Variants in NELL1 observed in about 807,000 individuals in gnomAD.
NELL1 encodes protein kinase C-binding protein NELL1.
In NELL1, 76 loss-of-function variants were observed where a neutral mutation model predicts 107.4. The ratio of observed to expected loss-of-function variants is 0.71; its 90% CI spans 0.59 to 0.86. The LOEUF is 0.86. Among genes scored for constraint, NELL1 ranks in the 40% least tolerant of loss-of-function variants. The probability of loss-of-function intolerance (pLI) is 0.00; values close to 1 mark genes in which losing one functional copy is unlikely to be tolerated. For synonymous variants in NELL1, 353 were observed against 341.2 expected (o/e 1.03, Z -0.38); for missense variants, 1,024 against 1,005.5 (o/e 1.02, Z -0.25).
At position 20,672,981 on chromosome 11, in the gene NELL1, C is replaced by T. The variant is rs992835792; in HGVS notation, c.55+3203C>T. 1.0e-4 allele frequency among the ~76,000 whole-genome samples: 11 copies of T among 106,292 alleles called. 1 individual carries two copies. The highest frequency in any genetic ancestry group is 6.2e-4 in the South Asian group (2 of 3,246). 69.7% of individuals were successfully genotyped at this position (106,292 alleles called of 152,430 possible). A position where few individuals can be genotyped will look rare whatever the true frequency, so the allele number is the denominator to read the frequency against. ...ATTCTCCTGCCTCAGCCCCCCCCCC[C>T]CCCCCCGAGTAGCTGGGATTACAGG... On this transcript the variant is annotated intron_variant, in intron 1 of 19. Coordinates refer to ENST00000357134, the MANE Select transcript of NELL1 (RefSeq NM_006157.5).
chr11:20,837,970 G>A (rs975062456), intron 3 of NELL1, among the ~76,000 whole-genome samples: 7 of 152,074 alleles, frequency 4.6e-5, no homozygotes, highest in Non-Finnish European at 8.8e-5. Flanking sequence ...TCCACAGGGT[G>A]TCTTCCTTCC....
chr11:20,716,138 T>C (rs931397953), intron 2 of NELL1, among the ~76,000 whole-genome samples: 2 of 152,180 alleles, frequency 1.3e-5, no homozygotes, highest in East Asian at 3.9e-4. Context: ...GGCTCCAGTC[T>C]CATGCTTACA....
chr11:21,509,254 A>C (rs1855375380), intron 15 of NELL1, among the ~76,000 whole-genome samples: 1 of 152,194 alleles, frequency 6.6e-6, no homozygotes, highest in African/African-American at 2.4e-5. Context: ...ACAGAAAAAA[A>C]TGTATACTTT....
chr11:21,528,451 G>A (rs1855909039), intron 15 of NELL1, among the ~76,000 whole-genome samples: 1 of 140,924 alleles, frequency 7.1e-6, no homozygotes, highest in African/African-American at 2.6e-5. Flanking sequence ...CATGGAGTCT[G>A]GTTCATCAGT....
At chr11:21,103,317 A>G (rs1854866622) in intron 12 of NELL1, among the ~76,000 whole-genome samples, 1 of 152,180 alleles carries the variant, frequency 6.6e-6, no homozygotes, top group South Asian at 2.1e-4. Context: ...TGAATGAATA[A>G]TTTGACCAAG....
Position 21,393,026 on chromosome 11 carries a change from A to G in NELL1, c.1645+22078A>G, listed in dbSNP as rs553438223. Among the ~76,000 whole-genome samples the G allele has an allele frequency of 2.6e-5, 4 of 151,558 alleles. No individual in the cohort carries two copies. The East Asian group carries it at 7.8e-4, about 30-fold the overall frequency. Reference sequence around the variant, plus strand: ...TTTTTTTAAGCAAGAGCTATTTCACATGAAATTTTATGTGAAATATAATTT... The same window carrying G: ...TTTTTTTAAGCAAGAGCTATTTCACGTGAAATTTTATGTGAAATATAATTT... On this transcript the variant is annotated intron_variant, in intron 15 of 19. Coordinates refer to ENST00000357134, the MANE Select transcript of NELL1 (RefSeq NM_006157.5).
chr11:21,433,048 AT>A (rs1222647226), intron 15 of NELL1, among the ~76,000 whole-genome samples: 1 of 152,028 alleles, frequency 6.6e-6, no homozygotes, highest in East Asian at 1.9e-4. Flanking sequence ...AATGACCATA[AT>A]TTTACTCTCT....
Position 21,573,185 on chromosome 11 carries a change from G to A in NELL1, c.2158G>A (p.Glu720Lys). 1.9e-6 allele frequency: 3 copies of A among 1,609,754 alleles called. No homozygotes were observed. Among genetic ancestry groups the A allele is most frequent in the Non-Finnish European group, 2.5e-6 (3 of 1,176,864 alleles). The change falls in exon 19 of 20, where the codon GAA (glutamate) becomes AAA (lysine). Residue 720 changes from glutamate (E) to lysine (K), a missense_variant and splice_region_variant. By Grantham distance (56) the Glu-to-Lys change is moderately conservative. Coordinates refer to ENST00000357134, the MANE Select transcript of NELL1 (RefSeq NM_006157.5). ...THSCQQCRCL[E>K]GEVDCWPLTC... ...GACATTTTTTGCTTTTCCTCTACAGGAAGGAGAGGTAGATTGCTGGCCACT... is the reference window on the plus strand; with the variant it reads ...GACATTTTTTGCTTTTCCTCTACAGAAAGGAGAGGTAGATTGCTGGCCACT...
chr11:20,767,901 A>G (rs1856564443), intron 2 of NELL1, among the ~76,000 whole-genome samples: 1 of 152,196 alleles, frequency 6.6e-6, no homozygotes, highest in Non-Finnish European at 1.5e-5. Context: ...ATACTAATAA[A>G]TGAGTAACTT....
At chr11:21,180,092 G>T (rs1321458980) in intron 13 of NELL1, among the ~76,000 whole-genome samples, 1 of 151,214 alleles carries the variant, frequency 6.6e-6, no homozygotes, top group Admixed American at 6.6e-5. Context: ...GGGGGCTCTG[G>T]ATTTGCCCCC....
At chr11:20,917,505 AAT>A (rs1251929966) in intron 5 of NELL1, among the ~76,000 whole-genome samples, 2 of 151,934 alleles carry the variant, frequency 1.3e-5, no homozygotes, top group Non-Finnish European at 2.9e-5. Context: ...TCTGTTCTGT[AAT>A]ATCTCTGCCA....
In NELL1 at chr11:21,314,048, C is replaced by G. The variant is rs987553783; in HGVS notation, c.1550-56805C>G. On this transcript the variant is annotated intron_variant, in intron 14 of 19. Transcript: ENST00000357134. The stretch of plus-strand genomic sequence containing the variant: ...GCTCCTGCTTTTGCCATGTGAAGTG[C>G]CTATTCTGGCTTTACCTCCACCATG... 3.4e-5 allele frequency among the ~76,000 whole-genome samples: 4 copies of G among 118,038 alleles called. No homozygotes were observed. The Admixed American group carries it at 5.1e-4, about 15-fold the overall frequency. The allele number at this position is 118,038 out of a possible 152,430, so 77.4% of individuals were successfully genotyped here.
intron 18 of NELL1, among the ~76,000 whole-genome samples, chr11:21,572,804 T>C (rs1287066979): frequency 6.6e-6 from 1 of 151,920 alleles, no homozygotes; most frequent in Non-Finnish European, 1.5e-5. Flanking sequence ...ATTTATTTAT[T>C]AGCCTTTATT....
chr11:21,049,808 G>T (rs1251076622), intron 12 of NELL1, among the ~76,000 whole-genome samples: 2 of 152,056 alleles, frequency 1.3e-5, no homozygotes, highest in African/African-American at 2.4e-5. Flanking sequence ...CTCCTGAGTA[G>T]CTGGGACTAC....
intron 2 of NELL1, among the ~76,000 whole-genome samples, chr11:20,733,576 A>C (rs187480532): frequency 2.2e-4 from 34 of 152,304 alleles, no homozygotes; most frequent in South Asian, 6.2e-4. Flanking sequence ...TAATGGTAAG[A>C]GTGGTCCATA....
At chr11:20,999,745 G>A (rs1367732663) in intron 12 of NELL1, among the ~76,000 whole-genome samples, 4 of 147,788 alleles carry the variant, frequency 2.7e-5, no homozygotes, top group East Asian at 2.0e-4. Context: ...CCCCAACTTC[G>A]CTTGAGTCTT....
At chr11:21,559,995 G>C (rs141981074) in intron 16 of NELL1, among the ~76,000 whole-genome samples, 194 bp from the exon 17 acceptor site, 424 of 152,228 alleles carry the variant, frequency 2.8e-3, no homozygotes, top group African/African-American at 9.7e-3. Flanking sequence ...TGCAGAATAG[G>C]AATAAGGACA....
intron 15 of NELL1, among the ~76,000 whole-genome samples, chr11:21,524,846 A>C (rs1293024397): frequency 7.2e-5 from 11 of 152,188 alleles, no homozygotes; most frequent in Non-Finnish European, 1.6e-4. Flanking sequence ...ATAGCAGTCA[A>C]ATTTCAATAG....
At chr11:21,395,677 A>G (rs1192802261) in intron 15 of NELL1, among the ~76,000 whole-genome samples, 1 of 151,564 alleles carries the variant, frequency 6.6e-6, no homozygotes, top group Admixed American at 6.6e-5. Context: ...ATTTACTAGT[A>G]TACAGGAAAT....
Sources: allele counts gnomAD v4.1 joint callset (sites outside exome capture counted in the v4.1 genomes callset), GRCh38; gene constraint gnomAD v4.1.1; transcripts MANE v1.5; gene names NCBI Gene and HGNC (gene_info 2026-07-23, HGNC 2026-07-21).